HLCS: variants seen among roughly 807,000 people sequenced by gnomAD.
HLCS encodes holocarboxylase synthetase.
A neutral mutation model predicts 75.0 loss-of-function variants in HLCS; 53 were observed. The observed-to-expected ratio is 0.71, with a 90% CI of 0.57 to 0.89. HLCS has a LOEUF of 0.89. Among genes scored for constraint, HLCS ranks in the 40% least tolerant of loss-of-function variants. HLCS has a pLI of 0.00. For missense variants in HLCS, 966 were observed against 1,074.0 expected (o/e 0.90, Z 1.41); for synonymous variants, 431 against 428.6 (o/e 1.01, Z -0.07).
Position 36,751,290 on chromosome 21 carries a change from C to T in HLCS, c.*2956G>A, listed in dbSNP as rs2089355791. On this transcript the variant is annotated 3_prime_UTR_variant, in exon 11 of 11. Coordinates refer to ENST00000674895, the MANE Select transcript of HLCS (RefSeq NM_001352514.2). The stretch of plus-strand genomic sequence containing the variant: ...GACATCCTTTGAGAAGTTAAAATTG[C>T]AGAGGCTTACGCTTTCTTTTATTTC... 6.5e-6 allele frequency: 1 copy of T among 152,672 alleles called. No individual in the cohort carries two copies. The highest frequency in any genetic ancestry group is 2.4e-5 in the African/African-American group (1 of 41,456). 9.5% of individuals were successfully genotyped at this position (152,672 alleles called of 1,614,324 possible).
At chr21:36,941,402 G>A (rs1316278503) in intron 2 of HLCS, among the ~76,000 whole-genome samples, 20 of 152,210 alleles carry the variant, frequency 1.3e-4, no homozygotes. Context: ...GTCTTGGGCA[G>A]TTCTTTCTAG....
intron 6 of HLCS, among the ~76,000 whole-genome samples, chr21:36,769,064 G>A (rs917269797): frequency 1.3e-5 from 2 of 152,200 alleles, no homozygotes; most frequent in African/African-American, 4.8e-5. Context: ...ATGGGCTATA[G>A]CCAGGGACAG....
intron 4 of HLCS, among the ~76,000 whole-genome samples, chr21:36,932,113 G>A (rs546083815): frequency 2.6e-5 from 4 of 152,302 alleles, no homozygotes; most frequent in South Asian, 2.1e-4. Flanking sequence ...TTCCAGCCAC[G>A]CGGCCACCCA....
chr21:36,935,310 C>G (rs188005111), intron 4 of HLCS, among the ~76,000 whole-genome samples: 64 of 152,298 alleles, frequency 4.2e-4, no homozygotes, highest in African/African-American at 1.4e-3. Flanking sequence ...GTTCATCTGT[C>G]CTAATGTCCA....
intron 6 of HLCS, among the ~76,000 whole-genome samples, chr21:36,839,920 A>G (rs2062559483): frequency 6.6e-6 from 1 of 152,264 alleles, no homozygotes; most frequent in Non-Finnish European, 1.5e-5. Context: ...CGTAATAACA[A>G]AAGTGTTATG....
intron 6 of HLCS, among the ~76,000 whole-genome samples, chr21:36,866,258 C>G (rs1306607108): frequency 6.6e-6 from 1 of 152,062 alleles, no homozygotes; most frequent in Admixed American, 6.6e-5. Context: ...AAACCAATAA[C>G]TTGAGACTTG....
intron 6 of HLCS, among the ~76,000 whole-genome samples, chr21:36,777,400 C>T (rs910024538): frequency 6.6e-6 from 1 of 152,252 alleles, no homozygotes; most frequent in African/African-American, 2.4e-5. Context: ...TCTCATGCGG[C>T]ACGAAAACTG....
chr21:36,847,096 A>T (rs2062825090), intron 6 of HLCS, among the ~76,000 whole-genome samples: 1 of 152,244 alleles, frequency 6.6e-6, no homozygotes, highest in Non-Finnish European at 1.5e-5. Context: ...ACGCCACCAC[A>T]GCCACAATAT....
chr21:36,899,715 T>C (rs2065157339), intron 5 of HLCS, among the ~76,000 whole-genome samples: 1 of 152,236 alleles, frequency 6.6e-6, no homozygotes, highest in South Asian at 2.1e-4. Context: ...ATCTCCCATA[T>C]GGCAGGCAGT....
intron 2 of HLCS, among the ~76,000 whole-genome samples, chr21:36,946,404 G>A (rs1386841365): frequency 6.6e-6 from 1 of 151,922 alleles, no homozygotes; most frequent in Non-Finnish European, 1.5e-5. Context: ...ACTATGACGG[G>A]CTAATTTTTG....
chr21:36,897,568 C>T (rs1361824139), intron 5 of HLCS, among the ~76,000 whole-genome samples: 1 of 152,184 alleles, frequency 6.6e-6, no homozygotes, highest in Non-Finnish European at 1.5e-5. Flanking sequence ...AGTCACAGAA[C>T]ACAAAGCACT....
intron 6 of HLCS, among the ~76,000 whole-genome samples, chr21:36,870,478 T>C (rs1045853916): frequency 6.6e-6 from 1 of 152,220 alleles, no homozygotes; most frequent in African/African-American, 2.4e-5. Flanking sequence ...TCTTCCCATA[T>C]AATTATTAAT....
chr21:36,958,991 C>T lies in HLCS; in HGVS notation c.330+3045G>A, dbSNP rs193164607. 3.3e-5 allele frequency among the ~76,000 whole-genome samples: 5 copies of T among 152,306 alleles called. No homozygotes were observed. The East Asian group carries it at 5.8e-4, about 18-fold the overall frequency. Reference sequence around the variant, plus strand: ...CAGGGTAGGCGCGGCCAGGGATACGCGCTCTGTGGAACCAGGGGGAGCTGG... The same window carrying T: ...CAGGGTAGGCGCGGCCAGGGATACGTGCTCTGTGGAACCAGGGGGAGCTGG... On this transcript the variant is annotated intron_variant, in intron 2 of 10. Transcript: ENST00000674895.
At chr21:36,903,638 G>A (rs1168636378) in intron 5 of HLCS, among the ~76,000 whole-genome samples, 1 of 152,152 alleles carries the variant, frequency 6.6e-6, no homozygotes, top group Non-Finnish European at 1.5e-5. Flanking sequence ...TTTCAGAACA[G>A]GAATAATGCA....
intron 6 of HLCS, among the ~76,000 whole-genome samples, chr21:36,862,863 C>T (rs979911014): frequency 6.6e-6 from 1 of 152,002 alleles, no homozygotes; most frequent in East Asian, 1.9e-4. Flanking sequence ...AAGTGAGCCC[C>T]GAAGTCCCAA....
intron 6 of HLCS, among the ~76,000 whole-genome samples, chr21:36,879,915 G>GA (rs11323079): frequency 0.021 from 2,482 of 120,872 alleles, 129 homozygotes; most frequent in Admixed American, 0.13. Flanking sequence ...ATCTCTTAAA[G>GA]AAAAAAAAAA....
rs867498444 is a variant in HLCS, at chr21:36,946,690, T to A, written c.331-7696A>T. Among the ~76,000 whole-genome samples, 9 of 152,298 alleles carry A rather than the reference T, an allele frequency of 5.9e-5. No homozygotes were observed. The South Asian group carries it at 6.2e-4, about 11-fold the overall frequency. On this transcript the variant is annotated intron_variant, in intron 2 of 10. Coordinates refer to ENST00000674895, the MANE Select transcript of HLCS (RefSeq NM_001352514.2). ...GGAAAAGAATAAACGCAGGCCTTTA[T>A]GGCCAACTCACTAACCTGTGTAGAA...
intron 6 of HLCS, among the ~76,000 whole-genome samples, chr21:36,851,026 C>T (rs2062985143): frequency 6.6e-6 from 1 of 152,126 alleles, no homozygotes; most frequent in South Asian, 2.1e-4. Flanking sequence ...CTGTGTACTC[C>T]AAAACTGGTT....
intron 6 of HLCS, among the ~76,000 whole-genome samples, chr21:36,787,673 A>C (rs970341426): frequency 3.9e-5 from 6 of 152,174 alleles, no homozygotes; most frequent in African/African-American, 1.4e-4. Context: ...CAGCCATTTC[A>C]CAACCAGGCG....
Sources: allele counts gnomAD v4.1 joint callset (sites outside exome capture counted in the v4.1 genomes callset), GRCh38; gene constraint gnomAD v4.1.1; transcripts MANE v1.5; gene names NCBI Gene and HGNC (gene_info 2026-07-23, HGNC 2026-07-21).